PLEKHA7: variants seen among roughly 807,000 people sequenced by gnomAD.
PLEKHA7 encodes pleckstrin homology domain containing A7.
In PLEKHA7, 104 loss-of-function variants were observed where a neutral mutation model predicts 170.0. That is an observed-to-expected ratio of 0.61 (90% CI 0.52 to 0.72). The LOEUF (loss-of-function observed/expected upper bound fraction) is 0.72, where lower values mean the gene tolerates loss of function less well. Among genes scored for constraint, PLEKHA7 ranks in the 30% least tolerant of loss-of-function variants. The pLI, the probability that PLEKHA7 is intolerant of heterozygous loss-of-function variation, is 0.00. For missense variants in PLEKHA7, 1,615 were observed against 1,671.7 expected (o/e 0.97, Z 0.59); for synonymous variants, 648 against 660.8 (o/e 0.98, Z 0.30).
At chr11:16,822,982 A>ATTAT (rs147244386) in intron 10 of PLEKHA7, among the ~76,000 whole-genome samples, 51,249 of 149,870 alleles carry the variant, frequency 0.34, 9,105 homozygotes, top group Non-Finnish European at 0.4. Context: ...GTATGTATGT[A>ATTAT]TTATTTATTT....
At chr11:16,848,119 T>C (rs989813847) in intron 8 of PLEKHA7, among the ~76,000 whole-genome samples, 3 of 152,298 alleles carry the variant, frequency 2.0e-5, no homozygotes, top group African/African-American at 7.2e-5. Context: ...GAGGAGGAGA[T>C]GAATTTGATA....
intron 13 of PLEKHA7, among the ~76,000 whole-genome samples, chr11:16,810,367 G>A (rs1849284303): frequency 6.6e-6 from 1 of 152,192 alleles, no homozygotes; most frequent in African/African-American, 2.4e-5. Flanking sequence ...ACTGCCTCCT[G>A]ATCTGGGCCT....
chr11:16,795,714 G>A (rs1313728700), intron 17 of PLEKHA7, among the ~76,000 whole-genome samples: 1 of 151,578 alleles, frequency 6.6e-6, no homozygotes, highest in East Asian at 2.0e-4. Flanking sequence ...GCTTGAACCT[G>A]GGAGGCAGAG....
chr11:16,795,225 G>C (rs1848139080), intron 17 of PLEKHA7: 1 of 555,174 alleles, frequency 1.8e-6, no homozygotes, highest in African/African-American at 1.9e-5. Flanking sequence ...AGAAATTTCA[G>C]AGTAGCTTTC....
intron 3 of PLEKHA7, among the ~76,000 whole-genome samples, chr11:16,957,309 A>T (rs1194039903): frequency 6.6e-6 from 1 of 152,258 alleles, no homozygotes; most frequent in Non-Finnish European, 1.5e-5. Context: ...GGAATTGGTT[A>T]GAAAATTCTG....
In PLEKHA7 at chr11:16,815,332, C is replaced by T. The variant is rs1373244361; in HGVS notation, c.1953+846G>A. The T allele has an allele frequency of 2.6e-5, 4 of 152,796 alleles. No individual in the cohort carries two copies. In the East Asian group the frequency reaches 7.7e-4, roughly 29 times the overall value. 9.5% of individuals were successfully genotyped at this position (152,796 alleles called of 1,614,324 possible). A position where few individuals can be genotyped will look rare whatever the true frequency, so the allele number is the denominator to read the frequency against. ...AGACACAGCACAAGGAAGTTAGCAC[C>T]GCAGGAGCACACTGCTAGAATTACG... On this transcript the variant is annotated intron_variant, in intron 12 of 26. Transcript: ENST00000531066.
At chr11:16,788,241 A>G (rs1043520395) in intron 23 of PLEKHA7, 1 of 152,426 alleles carries the variant, frequency 6.6e-6, no homozygotes, top group Admixed American at 6.5e-5. Flanking sequence ...GGGCAGCAGA[A>G]AGGTGAGTCA....
chr11:16,928,781 G>A (rs1267140733), intron 3 of PLEKHA7, among the ~76,000 whole-genome samples: 9 of 151,986 alleles, frequency 5.9e-5, no homozygotes. Flanking sequence ...TTGCTCTTAA[G>A]CCTAATTTTA....
At chr11:16,984,740 G>A (rs544892884) in intron 3 of PLEKHA7, among the ~76,000 whole-genome samples, 26 of 152,134 alleles carry the variant, frequency 1.7e-4, no homozygotes, top group Non-Finnish European at 3.2e-4. Context: ...GCTCCATGAG[G>A]GCAGAGACCT....
chr11:16,973,703 C>T (rs78671627), intron 3 of PLEKHA7, among the ~76,000 whole-genome samples: 1 of 152,142 alleles, frequency 6.6e-6, no homozygotes, highest in East Asian at 1.9e-4. Context: ...CTATGATGGG[C>T]CCTATGCCTT....
chr11:16,779,012 C>G lies in PLEKHA7; in HGVS notation c.3802G>C (p.Val1268Leu), dbSNP rs967577710. 1 of 702,636 alleles carries G rather than the reference C, an allele frequency of 1.4e-6. No homozygotes were observed. Among genetic ancestry groups the G allele is most frequent in the Non-Finnish European group, 2.6e-6 (1 of 385,004 alleles). 43.5% of individuals were successfully genotyped at this position (702,636 alleles called of 1,614,324 possible). Residue 1268 changes from valine (V) to leucine (L), a missense_variant, in exon 27 of 27, where the codon GTG becomes CTG. By Grantham distance (32) the Val-to-Leu change is conservative. Coordinates refer to ENST00000531066, the MANE Select transcript of PLEKHA7 (RefSeq NM_001329630.2). ...QRSKQVAAQAVTDP is the reference protein window; with the variant it reads ...QRSKQVAAQALTDP The stretch of plus-strand genomic sequence containing the variant: ...TGCATGCTGGGTCACGGGTCAGTCA[C>G]TGCCTGGGCTGGCAAAAAGCACAGG...
intron 8 of PLEKHA7, among the ~76,000 whole-genome samples, chr11:16,848,961 A>ACC (rs1471832165): frequency 2.6e-5 from 4 of 152,268 alleles, no homozygotes; most frequent in African/African-American, 9.6e-5. Context: ...CCCAGAGCCT[A>ACC]CCCTCTGGCC....
chr11:16,897,519 G>A (rs1049679002), intron 3 of PLEKHA7, among the ~76,000 whole-genome samples: 1 of 152,186 alleles, frequency 6.6e-6, no homozygotes, highest in African/African-American at 2.4e-5. Flanking sequence ...GGGAGCAGGG[G>A]ACTGGTGGTA....
chr11:16,985,028 C>T (rs529094337), intron 3 of PLEKHA7, among the ~76,000 whole-genome samples: 1 of 152,286 alleles, frequency 6.6e-6, no homozygotes, highest in Non-Finnish European at 1.5e-5. Flanking sequence ...AGGAAGGATC[C>T]GGATATCCTA....
intron 3 of PLEKHA7, among the ~76,000 whole-genome samples, chr11:16,949,059 T>C (rs1861238631): frequency 6.6e-6 from 1 of 152,168 alleles, no homozygotes; most frequent in South Asian, 2.1e-4. Context: ...ACACTGGATT[T>C]CTTACCTCTA....
chr11:16,878,577 G>A (rs1239451244), intron 3 of PLEKHA7, among the ~76,000 whole-genome samples: 4 of 152,146 alleles, frequency 2.6e-5, no homozygotes, highest in Admixed American at 2.0e-4. Context: ...AGTACTAGCT[G>A]TCCTTGCAGC....
chr11:17,008,870 T>C (rs1408786803), intron 3 of PLEKHA7, among the ~76,000 whole-genome samples: 1 of 152,176 alleles, frequency 6.6e-6, no homozygotes. Context: ...TCCCATGGCC[T>C]CTTCTAGAAA....
In PLEKHA7 at chr11:16,826,504, T is replaced by C. The variant is rs1426051767; in HGVS notation, c.959A>G (p.His320Arg). ...GCCACGATGAGGACAATCTCTCGTATGTCCGGGTCCCACCCGGCCACATTC... is the reference window on the plus strand; with the variant it reads ...GCCACGATGAGGACAATCTCTCGTACGTCCGGGTCCCACCCGGCCACATTC... ...CHECGRVGPG[H>R]TRDCPHRGHD... Residue 320 changes from histidine (H) to arginine (R), a missense_variant, in exon 10 of 27, where the codon CAT (histidine) becomes CGT (arginine). Coordinates refer to ENST00000531066, the MANE Select transcript of PLEKHA7 (RefSeq NM_001329630.2). The C allele has an allele frequency of 1.2e-6, 2 of 1,614,264 alleles. No homozygotes were observed. Among genetic ancestry groups the C allele is most frequent in the South Asian group, 1.1e-5 (1 of 91,086 alleles).
At chr11:16,863,406 G>T (rs1590380931) in intron 4 of PLEKHA7, among the ~76,000 whole-genome samples, 1 of 152,140 alleles carries the variant, frequency 6.6e-6, no homozygotes, top group South Asian at 2.1e-4. Context: ...GGGATGCTGG[G>T]AAAGGCAGGT....
Sources: allele counts gnomAD v4.1 joint callset (sites outside exome capture counted in the v4.1 genomes callset), GRCh38; gene constraint gnomAD v4.1.1; transcripts MANE v1.5; gene names NCBI Gene and HGNC (gene_info 2026-07-23, HGNC 2026-07-21).